The following NALCN variants were observed in gnomAD, a reference collection of about 807,000 sequenced individuals.
The protein encoded by NALCN is sodium leak channel NALCN.
NALCN carries 111 observed loss-of-function variants against 225.3 expected under a neutral mutation model. That is an observed-to-expected ratio of 0.49 (90% CI 0.42 to 0.58). NALCN has a LOEUF of 0.58. Among genes scored for constraint, NALCN ranks in the 20% least tolerant of loss-of-function variants. The pLI is 0.00. For missense variants in NALCN, 1,378 were observed against 2,202.4 expected, an observed-to-expected ratio of 0.63 and a Z score of 7.49; for synonymous variants, 764 against 769.0, an observed-to-expected ratio of 0.99 and a Z score of 0.11.
In NALCN at chr13:101,054,334, C is replaced by A. The variant is rs946722190; in HGVS notation, c.*961G>T. On this transcript the variant is annotated 3_prime_UTR_variant, in exon 44 of 44. Transcript: ENST00000251127. ...TAGAAGATTCTTTTAACAGAGATGTCATTTCAAATCTAACGTAGCAATGGT... is the reference window on the plus strand; with the variant it reads ...TAGAAGATTCTTTTAACAGAGATGTAATTTCAAATCTAACGTAGCAATGGT... 1.3e-5 allele frequency: 2 copies of A among 152,186 alleles called. No individual in the cohort carries two copies. The highest frequency in any genetic ancestry group is 4.8e-5 in the African/African-American group (2 of 41,440). 9.4% of individuals were successfully genotyped at this position (152,186 alleles called of 1,614,324 possible).
intron 6 of NALCN, chr13:101,369,107 G>T: frequency 4.2e-6 from 1 of 240,086 alleles, no homozygotes. Flanking sequence ...CATGTGGCTA[G>T]TTAAGCATTT....
Position 101,292,752 on chromosome 13 carries a change from T to C in NALCN, c.800-386A>G, listed in dbSNP as rs1356460029. Among the ~76,000 whole-genome samples the C allele has an allele frequency of 6.6e-6, 1 of 152,186 alleles. No individual in the cohort carries two copies. The highest frequency in any genetic ancestry group is 1.5e-5 in the Non-Finnish European group (1 of 68,022). ...ATTCAATAAGCTGAAAAGCACCTGC[T>C]ATAGTTTTAACCAAAATGAAATAAA... On this transcript the variant is annotated intron_variant, in intron 7 of 43. Transcript: ENST00000251127. This position sits in a 1 kb window ranked among gnomAD's most constrained non-coding sequence, Gnocchi z 4.3.
intron 30 of NALCN, 147 bp from the exon 31 acceptor site, chr13:101,083,951 T>C (rs995493253): frequency 4.6e-6 from 3 of 658,052 alleles, no homozygotes; most frequent in African/African-American, 1.8e-5. Context: ...AGAAACATGG[T>C]CAGAATGCTC....
At chr13:101,099,548 T>C (rs9513852) in intron 27 of NALCN, among the ~76,000 whole-genome samples, 10,321 of 152,272 alleles carry the variant, frequency 0.068, 387 homozygotes, top group South Asian at 0.12. Flanking sequence ...AATGCTTTTC[T>C]AGTTTATACA....
intron 10 of NALCN, among the ~76,000 whole-genome samples, chr13:101,272,535 T>C (rs2042830823): frequency 6.6e-6 from 1 of 152,154 alleles, no homozygotes; most frequent in Non-Finnish European, 1.5e-5. Flanking sequence ...ATCACTCTGT[T>C]GAGGAAGCAC....
At chr13:101,400,544 A>AGTGTGTGTGTGT (rs376844190) in intron 1 of NALCN, among the ~76,000 whole-genome samples, 1 of 135,150 alleles carries the variant, frequency 7.4e-6, no homozygotes, top group Middle Eastern at 3.5e-3. Flanking sequence ...ACATGTTTGC[A>AGTGTGTGTGTGT]GTGTGTGTGT....
At chr13:101,310,016 A>G (rs1322971564) in intron 7 of NALCN, among the ~76,000 whole-genome samples, 1 of 152,090 alleles carries the variant, frequency 6.6e-6, no homozygotes, top group Non-Finnish European at 1.5e-5. Context: ...CACACAGCCA[A>G]TCTCTTAGTA....
intron 28 of NALCN, among the ~76,000 whole-genome samples, chr13:101,094,305 GC>G (rs2034389969): frequency 6.6e-6 from 1 of 152,060 alleles, no homozygotes; most frequent in South Asian, 2.1e-4. Flanking sequence ...TTCTTGCCCT[GC>G]CCATCTCTGA....
intron 15 of NALCN, among the ~76,000 whole-genome samples, chr13:101,161,183 T>C (rs558578379): frequency 1.3e-3 from 196 of 152,338 alleles, no homozygotes; most frequent in African/African-American, 4.4e-3. Context: ...GAACAGCACC[T>C]GAATAAATAA....
rs755876296 is a variant in NALCN, at chr13:101,068,764, C to G, written c.4261G>C (p.Ala1421Pro). 1.9e-6 allele frequency: 3 copies of G among 1,612,726 alleles called. No individual in the cohort carries two copies. The highest frequency in any genetic ancestry group is 2.5e-6 in the Non-Finnish European group (3 of 1,179,486). Residue 1421 changes from alanine to proline, a missense_variant, in exon 38 of 44, where the codon GCT (alanine) becomes CCT (proline). Coordinates refer to ENST00000251127, the MANE Select transcript of NALCN (RefSeq NM_052867.4). The stretch of plus-strand genomic sequence containing the variant: ...GAACAGAAATACATAAGTGCCCCAG[C>G]ATAATTTCCACAGTCTGTTGCCCAG... ...TYWATDCGNY[A>P]GALMYFCSFY...
chr13:101,330,008 C>A lies in NALCN; in HGVS notation c.799+15258G>T, dbSNP rs529500509. Among the ~76,000 whole-genome samples, 4 of 151,296 alleles carry A rather than the reference C, an allele frequency of 2.6e-5. No individual in the cohort carries two copies. The South Asian group carries it at 8.4e-4, about 32-fold the overall frequency. ...GAGCTGAGATCATGCCACTGCACTC[C>A]AGCCTGGGTGACAGAGAGAGACTGT... is the stretch of plus-strand genomic sequence containing the variant. On this transcript the variant is annotated intron_variant, in intron 7 of 43. Coordinates refer to ENST00000251127, the MANE Select transcript of NALCN (RefSeq NM_052867.4).
intron 13 of NALCN, among the ~76,000 whole-genome samples, chr13:101,218,869 T>C (rs759767304): frequency 1.4e-4 from 21 of 152,076 alleles, no homozygotes; most frequent in Non-Finnish European, 2.6e-4. Flanking sequence ...ATTAAACCTC[T>C]CTTCTTTGTA....
At chr13:101,323,258 C>A (rs969346979) in intron 7 of NALCN, among the ~76,000 whole-genome samples, 1 of 152,074 alleles carries the variant, frequency 6.6e-6, no homozygotes, top group Admixed American at 6.6e-5. Context: ...AATGAACTTG[C>A]CAAATTTCTT....
At position 101,339,049 on chromosome 13, in the gene NALCN, TCTTTTATGTCTCAG is replaced by T. The variant is rs2045474974; in HGVS notation, c.799+6203_799+6216del. Among the ~76,000 whole-genome samples, 5 of 152,356 alleles carry T rather than the reference TCTTTTATGTCTCAG, an allele frequency of 3.3e-5. No homozygotes were observed. In the South Asian group the frequency reaches 1.0e-3, roughly 32 times the overall value. On this transcript the variant is annotated intron_variant, in intron 7 of 43. Transcript: ENST00000251127. ...TATTACAGAAAATCACAGTGTCGCC[TCTTTTATGTCTCAG>T]CTTTTATGTCTCATATGTTTATGAG...
chr13:101,304,233 G>T (rs2044073158), intron 7 of NALCN, among the ~76,000 whole-genome samples: 1 of 151,966 alleles, frequency 6.6e-6, no homozygotes, highest in South Asian at 2.1e-4. Flanking sequence ...CAGATGTAAA[G>T]ACTTTTTTGT....
chr13:101,334,184 GCACACA>G (rs58928750), intron 7 of NALCN, among the ~76,000 whole-genome samples: 1 of 151,022 alleles, frequency 6.6e-6, no homozygotes. Flanking sequence ...ACGCACGTGT[GCACACA>G]CACACACACA....
intron 1 of NALCN, among the ~76,000 whole-genome samples, chr13:101,405,009 TG>T (rs2047576219): frequency 6.6e-6 from 1 of 152,254 alleles, no homozygotes; most frequent in African/African-American, 2.4e-5. Context: ...AATTTGTTAA[TG>T]TAGGCATTAC....
At chr13:101,101,903 G>C (rs187397401) in intron 26 of NALCN, among the ~76,000 whole-genome samples, 1 of 152,206 alleles carries the variant, frequency 6.6e-6, no homozygotes, top group Non-Finnish European at 1.5e-5. Context: ...ATTTATTATT[G>C]ATCAAAAGAT....
At chr13:101,318,490 T>G (rs2044634722) in intron 7 of NALCN, among the ~76,000 whole-genome samples, 2 of 152,200 alleles carry the variant, frequency 1.3e-5, no homozygotes, top group African/African-American at 4.8e-5. Context: ...AAACTAATAT[T>G]TCTGAATAGG....
Sources: gnomAD v4.1 joint callset for allele counts (sites outside exome capture counted in the v4.1 genomes callset) on GRCh38, gnomAD v4.1.1 for gene constraint, Gnocchi (gnomAD v3.1) non-coding constraint, MANE v1.5 for transcripts, NCBI Gene and HGNC (gene_info 2026-07-23, HGNC 2026-07-21) for gene names.